Variants in RPS6KC1 observed in about 807,000 individuals in gnomAD.
The protein encoded by RPS6KC1 is inactive ribosomal protein S6 kinase delta-1.
A neutral mutation model predicts 103.8 loss-of-function variants in RPS6KC1; 54 were observed. The observed-to-expected ratio is 0.52, with a 90% CI of 0.42 to 0.65. The LOEUF (loss-of-function observed/expected upper bound fraction) is 0.65, where lower values mean the gene tolerates loss of function less well. Among genes scored for constraint, RPS6KC1 ranks in the 30% least tolerant of loss-of-function variants. The pLI is 0.00. For missense variants in RPS6KC1, 1,151 were observed against 1,253.8 expected (o/e 0.92, Z 1.24); for synonymous variants, 439 against 438.7 (o/e 1.00, Z -0.01).
the RPS6KC1 span, among the ~76,000 whole-genome samples, chr1:213,843,054 A>C: frequency 6.6e-6 from 1 of 152,190 alleles, no homozygotes; most frequent in Non-Finnish European, 1.5e-5. Context: ...TTGTTATTGC[A>C]GTCTTGAGTC....
rs902704591 is a variant in RPS6KC1 at position 213,182,952 on chromosome 1, GAT to G, written c.1044+6471_1044+6472del. On this transcript the variant is annotated intron_variant, in intron 8 of 14. Coordinates refer to ENST00000366960, the MANE Select transcript of RPS6KC1 (RefSeq NM_012424.6). ...ATGTTTGAAGTTTCTTATATATCAT[GAT>G]ATATATATATGTAAAAAGTAAAAGG... 6.1e-5 allele frequency among the ~76,000 whole-genome samples: 9 copies of G among 148,740 alleles called. No individual in the cohort carries two copies. The South Asian group carries it at 6.3e-4, about 10-fold the overall frequency.
chr1:213,782,567 AG>A, the RPS6KC1 span, among the ~76,000 whole-genome samples: 11 of 152,204 alleles, frequency 7.2e-5, no homozygotes, highest in Non-Finnish European at 1.3e-4. Context: ...AAGTAAAAAA[AG>A]GCTAGCCAAA....
the RPS6KC1 span, among the ~76,000 whole-genome samples, chr1:213,687,985 C>T: frequency 3.3e-5 from 5 of 152,158 alleles, 1 homozygote; most frequent in African/African-American, 9.7e-5. Flanking sequence ...GCTGAGTAAG[C>T]GTGGGTTTAT....
At chr1:213,565,959 C>CAAAAAAAAAAA in the RPS6KC1 span, among the ~76,000 whole-genome samples, 1 of 64,408 alleles carries the variant, frequency 1.6e-5, no homozygotes, top group African/African-American at 5.4e-5. Flanking sequence ...AACTCCATCT[C>CAAAAAAAAAAA]AAAAAAAAAA....
chr1:213,052,019 C>T (rs1007576599), intron 1 of RPS6KC1, among the ~76,000 whole-genome samples: 1 of 152,006 alleles, frequency 6.6e-6, no homozygotes, highest in African/African-American at 2.4e-5. Flanking sequence ...TTTGTCAAAC[C>T]TTTGAGTTTT....
chr1:213,595,693 G>T, the RPS6KC1 span, among the ~76,000 whole-genome samples: 1 of 152,218 alleles, frequency 6.6e-6, no homozygotes, highest in Non-Finnish European at 1.5e-5. Context: ...CTAACTTTTT[G>T]CAGGATGCCT....
the RPS6KC1 span, among the ~76,000 whole-genome samples, chr1:213,772,299 C>T: frequency 6.6e-6 from 1 of 152,150 alleles, no homozygotes; most frequent in Non-Finnish European, 1.5e-5. Context: ...ACCATCTCGG[C>T]GCTGTGTTGT....
At chr1:213,330,244 A>G in the RPS6KC1 span, among the ~76,000 whole-genome samples, 1 of 152,164 alleles carries the variant, frequency 6.6e-6, no homozygotes, top group Non-Finnish European at 1.5e-5. Context: ...CTCATCTCCA[A>G]GTTGGGTTAC....
At chr1:213,694,971 C>A in the RPS6KC1 span, among the ~76,000 whole-genome samples, 1 of 152,204 alleles carries the variant, frequency 6.6e-6, no homozygotes, top group African/African-American at 2.4e-5. Flanking sequence ...ACAGTAGAGG[C>A]ACAGAGATTG....
chr1:213,244,709 G>A (rs2094426186), intron 12 of RPS6KC1, among the ~76,000 whole-genome samples: 1 of 152,082 alleles, frequency 6.6e-6, no homozygotes, highest in African/African-American at 2.4e-5. Context: ...ATTTAATACA[G>A]ATCGGTTTCT....
intron 1 of RPS6KC1, among the ~76,000 whole-genome samples, chr1:213,054,765 C>T (rs1196258871): frequency 1.3e-5 from 2 of 152,180 alleles, no homozygotes; most frequent in Non-Finnish European, 2.9e-5. Context: ...TGCAAGCATA[C>T]TAACAGATTC....
the RPS6KC1 span, among the ~76,000 whole-genome samples, chr1:213,343,444 T>C: frequency 8.1e-4 from 61 of 75,116 alleles, 3 homozygotes; most frequent in African/African-American, 1.5e-3. Context: ...TATATATACA[T>C]ACCATGGAAT....
the RPS6KC1 span, among the ~76,000 whole-genome samples, chr1:213,411,665 T>C: frequency 6.6e-5 from 10 of 152,156 alleles, no homozygotes; most frequent in African/African-American, 2.4e-4. Context: ...ATGTCATTAA[T>C]TGCTGAAGTG....
At chr1:213,287,878 A>G in the RPS6KC1 span, among the ~76,000 whole-genome samples, 2 of 152,228 alleles carry the variant, frequency 1.3e-5, no homozygotes, top group Non-Finnish European at 2.9e-5. Flanking sequence ...TTGATTGACC[A>G]TAATTAATTA....
the RPS6KC1 span, among the ~76,000 whole-genome samples, chr1:213,299,961 C>T: frequency 2.5e-4 from 38 of 152,254 alleles, no homozygotes; most frequent in Middle Eastern, 6.8e-3. Context: ...CCTGCCACCA[C>T]GCCCGGCTAA....
At chr1:213,176,192 CT>C (rs1462472721) in intron 7 of RPS6KC1, among the ~76,000 whole-genome samples, 7 of 152,038 alleles carry the variant, frequency 4.6e-5, no homozygotes, top group African/African-American at 1.7e-4. Context: ...TTACTTGCAA[CT>C]TTTTTCTTGC....
intron 12 of RPS6KC1, among the ~76,000 whole-genome samples, chr1:213,258,808 A>G (rs1312569181): frequency 6.6e-6 from 1 of 152,194 alleles, no homozygotes. Context: ...CACCCTTTAT[A>G]AAGTCTAAGA....
intron 7 of RPS6KC1, among the ~76,000 whole-genome samples, chr1:213,171,005 G>A (rs1241136000): frequency 1.3e-5 from 2 of 152,110 alleles, no homozygotes; most frequent in African/African-American, 2.4e-5. Context: ...AGACAATAAA[G>A]GAACCCTTTT....
chr1:213,684,235 T>C, the RPS6KC1 span, among the ~76,000 whole-genome samples: 5 of 152,230 alleles, frequency 3.3e-5, no homozygotes, highest in Admixed American at 2.6e-4. Flanking sequence ...TCTCATCCAT[T>C]TGGATCATAT....
Sources: allele counts gnomAD v4.1 joint callset (sites outside exome capture counted in the v4.1 genomes callset), GRCh38; gene constraint gnomAD v4.1.1; transcripts MANE v1.5; gene names NCBI Gene and HGNC (gene_info 2026-07-23, HGNC 2026-07-21).